MEP1A: variants seen among roughly 807,000 people sequenced by gnomAD.
The protein encoded by MEP1A is meprin A subunit alpha, also known as N-benzoyl-L-tyrosyl-P-amino-benzoic acid hydrolase subunit alpha.
A neutral mutation model predicts 84.5 loss-of-function variants in MEP1A; 68 were observed. That is an observed-to-expected ratio of 0.80 (90% confidence interval 0.66 to 0.98). The LOEUF (loss-of-function observed/expected upper bound fraction) is 0.98, where lower values mean the gene tolerates loss of function less well. MEP1A is among the 50% of genes least tolerant of loss of function. MEP1A has a pLI of 0.00. For missense variants in MEP1A, 887 were observed against 919.9 expected (o/e 0.96, Z 0.46); for synonymous variants, 337 against 336.8 (o/e 1.00, Z -0.01).
chr6:46,796,701 C>T (rs1767057231), intron 3 of MEP1A, among the ~76,000 whole-genome samples: 1 of 152,194 alleles, frequency 6.6e-6, no homozygotes, highest in Non-Finnish European at 1.5e-5. Context: ...ACTGGATGTA[C>T]ACTTCTTTGG....
chr6:46,839,018 G>T lies in MEP1A; in HGVS notation c.2123G>T (p.Arg708Leu), dbSNP rs567742042. ...SGHAFFYTGERCQAVQVHGSV... is the reference protein window; with the variant it reads ...SGHAFFYTGELCQAVQVHGSV... Reference sequence around the variant, plus strand: ...CATGCTTTCTTCTACACGGGGGAGCGCTGTCAGGCCGTGCAGGTGCACGGC... The same window carrying T: ...CATGCTTTCTTCTACACGGGGGAGCTCTGTCAGGCCGTGCAGGTGCACGGC... The change falls in exon 14 of 14, where the codon CGC (arginine) becomes CTC (leucine). Residue 708 changes from arginine (R) to leucine (L), a missense_variant. Transcript: ENST00000230588. 1 of 1,613,440 alleles carries T rather than the reference G, an allele frequency of 6.2e-7. No individual in the cohort carries two copies. The highest frequency in any genetic ancestry group is 8.5e-7 in the Non-Finnish European group (1 of 1,179,630).
Position 46,833,513 on chromosome 6 carries a change from T to C in MEP1A, c.1584T>C (p.Thr528=), listed in dbSNP as rs1408473581. 1 of 1,614,022 alleles carries C rather than the reference T, an allele frequency of 6.2e-7. No individual in the cohort carries two copies. The highest frequency in any genetic ancestry group is 1.7e-5 in the Admixed American group (1 of 60,024). The part of the protein sequence containing the change: ...RNRMSSSMVF[T]TSKSHTSPAI... ...GGATGTCCTCAAGCATGGTGTTCAC[T>C]ACCTCGAAGTCGCACACATCTCCAG... The change falls in exon 11 of 14, where the codon ACT becomes ACC. Residue 528 remains threonine, a synonymous_variant. Coordinates refer to ENST00000230588, the MANE Select transcript of MEP1A (RefSeq NM_005588.3).
intron 5 of MEP1A, among the ~76,000 whole-genome samples, chr6:46,800,411 G>A (rs1399256861): frequency 6.6e-6 from 1 of 152,104 alleles, no homozygotes; most frequent in Non-Finnish European, 1.5e-5. Flanking sequence ...CATGTCCAAC[G>A]GTCCTCTAGT....
At chr6:46,840,735 A>T (rs1415127522), downstream of MEP1A, among the ~76,000 whole-genome samples, 2 of 152,252 alleles carry the variant, frequency 1.3e-5, no homozygotes, top group East Asian at 3.8e-4. Flanking sequence ...ACAATGGGAT[A>T]ATGAATATGA....
At position 46,829,542 on chromosome 6, in the gene MEP1A, G is replaced by A. The variant is rs768801288; in HGVS notation, c.1115G>A (p.Arg372His). Reference sequence around the variant, plus strand: ...AGGGATGACAGCACAGGCAATGTTCGCAAGTTGGTGAAGGTGCAGACTTTT... The same window carrying A: ...AGGGATGACAGCACAGGCAATGTTCACAAGTTGGTGAAGGTGCAGACTTTT... Reference protein sequence around the residue: ...VRRDDSTGNVRKLVKVQTFQG... With the variant: ...VRRDDSTGNVHKLVKVQTFQG... The change falls in exon 10 of 14, where the codon CGC becomes CAC. Residue 372 changes from arginine (R) to histidine (H), a missense_variant. Coordinates refer to ENST00000230588, the MANE Select transcript of MEP1A (RefSeq NM_005588.3). 11 of 1,614,072 alleles carry A rather than the reference G, an allele frequency of 6.8e-6. No homozygotes were observed. The highest frequency in any genetic ancestry group is 1.1e-5 in the South Asian group (1 of 91,074).
At chr6:46,838,488 A>C (rs1401281081) in intron 13 of MEP1A, among the ~76,000 whole-genome samples, 1 of 152,242 alleles carries the variant, frequency 6.6e-6, no homozygotes, top group Non-Finnish European at 1.5e-5. Context: ...ACAGTACACT[A>C]ACCTTATAGT....
downstream of MEP1A, among the ~76,000 whole-genome samples, chr6:46,840,146 G>A (rs1205731068): frequency 6.6e-6 from 1 of 152,122 alleles, no homozygotes; most frequent in South Asian, 2.1e-4. Flanking sequence ...AAGTCATAAG[G>A]TTTCCTAAGT....
At chr6:46,796,565 C>A (rs1767055113) in intron 3 of MEP1A, among the ~76,000 whole-genome samples, 1 of 152,156 alleles carries the variant, frequency 6.6e-6, no homozygotes. Context: ...GAGTCATCTC[C>A]TTAAGGACTT....
In MEP1A at chr6:46,804,172, C is replaced by T. The variant is rs574293243; in HGVS notation, c.262+4991C>T. On this transcript the variant is annotated intron_variant, in intron 5 of 13. Transcript: ENST00000230588. ...TATCATTTCTCTTCAGTCTGAAGAA[C>T]TTCCTTTAGCACTTCTTATAAAGCA... is the stretch of plus-strand genomic sequence containing the variant. Among the ~76,000 whole-genome samples, 13 of 151,730 alleles carry T rather than the reference C, an allele frequency of 8.6e-5. No individual in the cohort carries two copies. The South Asian group carries it at 2.7e-3, about 31-fold the overall frequency.
At chr6:46,814,256 G>T (rs1286885668) in intron 6 of MEP1A, among the ~76,000 whole-genome samples, 4 of 151,908 alleles carry the variant, frequency 2.6e-5, no homozygotes, top group Non-Finnish European at 4.4e-5. Context: ...AAATTTTTTT[G>T]TTTGTTTTTG....
At chr6:46,809,842 T>A (rs1177318429) in intron 6 of MEP1A, among the ~76,000 whole-genome samples, 2 of 151,336 alleles carry the variant, frequency 1.3e-5, no homozygotes, top group Non-Finnish European at 3.0e-5. Flanking sequence ...CATATATTTT[T>A]TTTTCTTTAT....
chr6:46,801,556 G>A (rs1445133934), intron 5 of MEP1A, among the ~76,000 whole-genome samples: 1 of 151,910 alleles, frequency 6.6e-6, no homozygotes, highest in East Asian at 1.9e-4. Flanking sequence ...CTGTTAGTCT[G>A]TTACTTACCT....
chr6:46,834,051 A>G (rs886577261), intron 11 of MEP1A, among the ~76,000 whole-genome samples: 18 of 148,998 alleles, frequency 1.2e-4, no homozygotes, highest in Non-Finnish European at 2.1e-4. Context: ...TTCTCGGCTC[A>G]CTGCAACCTC....
At chr6:46,797,109 T>C (rs1285470005) in intron 3 of MEP1A, among the ~76,000 whole-genome samples, 1 of 152,194 alleles carries the variant, frequency 6.6e-6, no homozygotes, top group East Asian at 1.9e-4. Context: ...TGCCTGCTAA[T>C]ACCTAACACC....
Position 46,835,350 on chromosome 6 carries a change from G to C in MEP1A, c.1885G>C (p.Gly629Arg). 4 of 1,611,164 alleles carry C rather than the reference G, an allele frequency of 2.5e-6. No individual in the cohort carries two copies. The highest frequency in any genetic ancestry group is 3.4e-6 in the Non-Finnish European group (4 of 1,178,734). ...CCAGGAGCAGCAGGTCTCCGAAGAA[G>C]GTTCGGGAAAGGCCATGTTAGAGGA... The part of the protein sequence containing the change: ...QGQEQQVSEE[G>R]SGKAMLEEAL... Residue 629 changes from glycine (G) to arginine (R), a missense_variant, in exon 13 of 14, where the codon GGT (glycine) becomes CGT (arginine). Gly to Arg is a moderately radical substitution (Grantham distance 125). Coordinates refer to ENST00000230588, the MANE Select transcript of MEP1A (RefSeq NM_005588.3).
At chr6:46,841,799 G>A (rs569469456), downstream of MEP1A, among the ~76,000 whole-genome samples, 6 of 152,166 alleles carry the variant, frequency 3.9e-5, no homozygotes, top group Non-Finnish European at 8.8e-5. Flanking sequence ...AGAAGTGGAT[G>A]GGAACTCTAA....
intron 3 of MEP1A, among the ~76,000 whole-genome samples, chr6:46,797,003 A>C (rs1417805152): frequency 6.6e-6 from 1 of 152,258 alleles, no homozygotes; most frequent in African/African-American, 2.4e-5. Context: ...AGAATAGGTC[A>C]GGGTTAAAGA....
chr6:46,840,364 C>T (rs1768311539), downstream of MEP1A, among the ~76,000 whole-genome samples: 1 of 152,162 alleles, frequency 6.6e-6, no homozygotes, highest in Non-Finnish European at 1.5e-5. Flanking sequence ...CCCAGAGTTT[C>T]TGGGTCAGTA....
At chr6:46,793,779 T>A in intron 3 of MEP1A, 63 bp downstream of exon 3, 7 of 1,212,622 alleles carry the variant, frequency 5.8e-6, no homozygotes, top group Non-Finnish European at 8.5e-6. Context: ...GTGGGATTAC[T>A]GAACACTTTC....
Sources: gnomAD v4.1 joint callset for allele counts (sites outside exome capture counted in the v4.1 genomes callset) on GRCh38, gnomAD v4.1.1 for gene constraint, MANE v1.5 for transcripts, NCBI Gene and HGNC (gene_info 2026-07-23, HGNC 2026-07-21) for gene names.